SART1: variants seen among roughly 807,000 people sequenced by gnomAD.
SART1 encodes spliceosome associated factor 1, recruiter of U4/U6.U5 tri-snRNP.
SART1 carries 28 observed loss-of-function variants against 105.0 expected under a neutral mutation model. The observed-to-expected ratio is 0.27, with a 90% CI of 0.20 to 0.37. The LOEUF (loss-of-function observed/expected upper bound fraction) is 0.37, where lower values mean the gene tolerates loss of function less well. Ranked by LOEUF, SART1 falls within the 10% of genes least tolerant of loss-of-function variation. The pLI is 1.00. For missense variants in SART1, 894 were observed against 1,106.5 expected, an observed-to-expected ratio of 0.81 and a Z score of 2.72; for synonymous variants, 472 against 462.9, an observed-to-expected ratio of 1.02 and a Z score of -0.25.
rs138334211 is a variant in SART1 at position 65,979,274 on chromosome 11, C to T, written c.*244C>T. On this transcript the variant is annotated 3_prime_UTR_variant, in exon 20 of 20. Coordinates refer to ENST00000312397, the MANE Select transcript of SART1 (RefSeq NM_005146.5). Reference sequence around the variant, plus strand: ...TCTCCCCTGGCTGTCGGTCACACCTCTGCAGGGCCGGCTCTCTGATAGAAA... The same window carrying T: ...TCTCCCCTGGCTGTCGGTCACACCTTTGCAGGGCCGGCTCTCTGATAGAAA... The T allele has an allele frequency of 2.5e-3, 1,490 of 601,938 alleles. 16 individuals carry two copies. The highest frequency in any genetic ancestry group is 0.024 in the African/African-American group (1,313 of 54,010). The allele number at this position is 601,938 out of a possible 1,614,324, so 37.3% of individuals were successfully genotyped here.
intron 12 of SART1, among the ~76,000 whole-genome samples, chr11:65,973,381 C>A (rs1340224109): frequency 6.6e-6 from 1 of 151,974 alleles, no homozygotes; most frequent in Non-Finnish European, 1.5e-5. Context: ...ACAGGCAGTT[C>A]ACAGAAGAGA....
rs1026493364 is a variant in SART1, at chr11:65,979,658, G to C, written c.*628G>C. 1.3e-5 allele frequency: 2 copies of C among 152,332 alleles called. No individual in the cohort carries two copies. Among genetic ancestry groups the C allele is most frequent in the Admixed American group, 1.3e-4 (2 of 15,272 alleles). The allele number at this position is 152,332 out of a possible 1,614,324, so 9.4% of individuals were successfully genotyped here. On this transcript the variant is annotated 3_prime_UTR_variant, in exon 20 of 20. Coordinates refer to ENST00000312397, the MANE Select transcript of SART1 (RefSeq NM_005146.5). ...ATAGAGTGTGACTGAGCTGCTGGGG[G>C]ACATGTGAGCCTCAAATCCATAGAA...
rs201336410 is a variant in SART1 at position 65,967,348 on chromosome 11, C to T, written c.1278C>T (p.Leu426=). The change falls in exon 10 of 20, where the codon CTC becomes CTT. Residue 426 remains leucine, a synonymous_variant. Transcript: ENST00000312397. ...VVVRADDLLP[L]GDQTQDGDFG... is the part of the protein sequence containing the mutation. ...TGCGGGCAGATGACTTGCTGCCTCT[C>T]GGGGACCAGACTCAGGATGGGGACT... 1.9e-5 allele frequency: 30 copies of T among 1,614,104 alleles called. No individual in the cohort carries two copies. The highest frequency in any genetic ancestry group is 8.9e-5 in the East Asian group (4 of 44,872).
Position 65,979,079 on chromosome 11 carries a change from C to T in SART1, c.*49C>T. On this transcript the variant is annotated 3_prime_UTR_variant, in exon 20 of 20. Coordinates refer to ENST00000312397, the MANE Select transcript of SART1 (RefSeq NM_005146.5). The stretch of plus-strand genomic sequence containing the variant: ...GCCTCAACCTTCATATTAAATAAAG[C>T]TCCCTCCTTATTTTTTCCTCCCTGG... The T allele has an allele frequency of 1.2e-6, 2 of 1,611,606 alleles. No individual in the cohort carries two copies. The highest frequency in any genetic ancestry group is 1.7e-6 in the Non-Finnish European group (2 of 1,177,868).
At chr11:65,977,921 CGGAGGCCCGGCCTGCCACAG>C (rs773868561) in intron 17 of SART1, 22 bp downstream of exon 17, 4 of 1,577,016 alleles carry the variant, frequency 2.5e-6, no homozygotes, top group Admixed American at 3.8e-5. Context: ...CTTTTGCAGG[CGGAGGCCCGGCCTGCCACAG>C]GGAGGCCAAG....
chr11:65,964,992 C>G (rs1855217796), intron 3 of SART1, 100 bp from the exon 4 acceptor site: 2 of 1,445,136 alleles, frequency 1.4e-6, no homozygotes, highest in Admixed American at 5.0e-5. Context: ...GTCCTGACCC[C>G]TTCTGGCCCC....
At chr11:65,966,266 G>A (rs752014238) in intron 8 of SART1, 48 bp downstream of exon 8, 19 of 1,613,572 alleles carry the variant, frequency 1.2e-5, no homozygotes, top group East Asian at 2.2e-5. Flanking sequence ...GGAGAATGTC[G>A]GGAATGGGGG....
Position 65,961,971 on chromosome 11 carries a change from G to A in SART1, c.191G>A (p.Gly64Glu), listed in dbSNP as rs1223835609. The change falls in exon 1 of 20, where the codon GGG (glycine) becomes GAG (glutamate). Residue 64 changes from glycine (G) to glutamate (E), a missense_variant. Physicochemically the swap from Gly to Glu is moderately conservative, Grantham distance 98. Transcript: ENST00000312397. ...KRSRERGGER[G>E]SGRRGAEAEA... ...AGCCGGGAACGTGGGGGCGAGCGCG[G>A]GAGCGGGCGGCGCGGGGCCGAAGCT... 3.9e-5 allele frequency: 59 copies of A among 1,523,156 alleles called. No homozygotes were observed. The highest frequency in any genetic ancestry group is 5.1e-5 in the Non-Finnish European group (58 of 1,138,336). The allele number at this position is 1,523,156 out of a possible 1,614,324, so 94.4% of individuals were successfully genotyped here. A position where few individuals can be genotyped will look rare whatever the true frequency, so the allele number is the denominator to read the frequency against.
chr11:65,964,188 C>A, intron 2 of SART1, 57 bp downstream of exon 2: 1 of 1,445,800 alleles, frequency 6.9e-7, no homozygotes, highest in Non-Finnish European at 9.7e-7. Context: ...GGCTCTGGGG[C>A]CAGCACGGGG....
chr11:65,978,027 G>C lies in SART1; in HGVS notation c.2172+128G>C. The C allele has an allele frequency of 9.6e-7, 1 of 1,045,474 alleles. No individual in the cohort carries two copies. The highest frequency in any genetic ancestry group is 1.4e-6 in the Non-Finnish European group (1 of 727,298). The allele number at this position is 1,045,474 out of a possible 1,614,324, so 64.8% of individuals were successfully genotyped here. A position where few individuals can be genotyped will look rare whatever the true frequency, so the allele number is the denominator to read the frequency against. On this transcript the variant is annotated intron_variant, in intron 17 of 19. Transcript: ENST00000312397. This position sits in a 1 kb window ranked among gnomAD's most constrained non-coding sequence, Gnocchi z 6.8. ...CCACCAGCCTCTGGCTGGGGGCCTG[G>C]TGAATGCCACGGATGGGGAGGGGGC...
Position 65,965,364 on chromosome 11 carries a change from G to A in SART1, c.577G>A (p.Asp193Asn), listed in dbSNP as rs775296644. 1 of 1,590,296 alleles carries A rather than the reference G, an allele frequency of 6.3e-7. No homozygotes were observed. Among genetic ancestry groups the A allele is most frequent in the Admixed American group, 1.8e-5 (1 of 56,306 alleles). The change falls in exon 5 of 20, where the codon GAT becomes AAT. Residue 193 changes from aspartate (D) to asparagine (N), a missense_variant. This residue lies in a region of SART1 where 712 missense variants were observed against 778.2 expected (regional missense o/e 0.91). Transcript: ENST00000312397. Reference protein sequence around the residue: ...KLGKIKTLGEDDPWLDDTAAW... With the variant: ...KLGKIKTLGENDPWLDDTAAW... ...CAGGAAGATAAAGACCCTAGGAGAG[G>A]ATGACCCCTGGCTGGACGACACTGC...
At position 65,979,060 on chromosome 11, in the gene SART1, AC is replaced by A. The variant is rs1210833280; in HGVS notation, c.*32del. 3 of 1,613,874 alleles carry A rather than the reference AC, an allele frequency of 1.9e-6. No homozygotes were observed. The highest frequency in any genetic ancestry group is 2.5e-6 in the Non-Finnish European group (3 of 1,179,904). The stretch of plus-strand genomic sequence containing the variant: ...GCCCTCCCGCCCCGGCCCTGCCTCA[AC>A]CTTCATATTAAATAAAGCTCCCTCC... On this transcript the variant is annotated 3_prime_UTR_variant, in exon 20 of 20. Transcript: ENST00000312397.
In SART1 at chr11:65,966,495, C is replaced by T. The variant is rs1291776302; in HGVS notation, c.1127C>T (p.Ala376Val). The T allele has an allele frequency of 1.2e-6, 2 of 1,603,406 alleles. No homozygotes were observed. The highest frequency in any genetic ancestry group is 1.1e-5 in the South Asian group (1 of 89,342). The change falls in exon 9 of 20, where the codon GCT becomes GTT. Residue 376 changes from alanine to valine, a missense_variant. Physicochemically the swap from Ala to Val is moderately conservative, Grantham distance 64 (BLOSUM62 0). Coordinates refer to ENST00000312397, the MANE Select transcript of SART1 (RefSeq NM_005146.5). ...EEIRAKLRLQAQSLSTVGPRL... is the reference protein window; with the variant it reads ...EEIRAKLRLQVQSLSTVGPRL... Reference sequence around the variant, plus strand: ...ATCCGGGCCAAGCTGCGGCTGCAGGCTCAGTCCCTGAGCACAGTGGGGCCC... The same window carrying T: ...ATCCGGGCCAAGCTGCGGCTGCAGGTTCAGTCCCTGAGCACAGTGGGGCCC...
Position 65,966,402 on chromosome 11 carries a change from G to C in SART1, c.1034G>C (p.Arg345Pro), listed in dbSNP as rs774052928. Residue 345 changes from arginine (R) to proline (P), a missense_variant, in exon 9 of 20, where the codon CGG (arginine) becomes CCG (proline). Physicochemically the swap from Arg to Pro is moderately radical, Grantham distance 103 (BLOSUM62 -2). This residue lies in a region of SART1 where 712 missense variants were observed against 778.2 expected (regional missense o/e 0.91). Coordinates refer to ENST00000312397, the MANE Select transcript of SART1 (RefSeq NM_005146.5). ...TATGACGAAGAGCTTGAAGGGGAGC[G>C]GCCACATTCCTTCCGCTTGGAGCAG... ...SKYDEELEGE[R>P]PHSFRLEQGG... 1 of 1,613,802 alleles carries C rather than the reference G, an allele frequency of 6.2e-7. No homozygotes were observed. Among genetic ancestry groups the C allele is most frequent in the African/African-American group, 1.3e-5 (1 of 74,932 alleles).
chr11:65,974,077 C>G (rs540959281), intron 12 of SART1, among the ~76,000 whole-genome samples: 3 of 151,572 alleles, frequency 2.0e-5, no homozygotes, highest in Non-Finnish European at 4.4e-5. Flanking sequence ...AAAACTATAT[C>G]AGCCGCTGGG....
At position 65,961,828 on chromosome 11, in the gene SART1, G is replaced by A. The variant is rs922799114; in HGVS notation, c.48G>A (p.Thr16=). ...GCGGAGAGAAGGAGGCGGCCGGGAC[G>A]ACGGCGGCGGCCGGCACCGGGGGTG... The part of the protein sequence containing the change: ...KHRGEKEAAG[T]TAAAGTGGAT... The change falls in exon 1 of 20, where the codon ACG becomes ACA. Residue 16 remains threonine, a synonymous_variant. Transcript: ENST00000312397. The A allele has an allele frequency of 6.4e-7, 1 of 1,566,920 alleles. No individual in the cohort carries two copies. The highest frequency in any genetic ancestry group is 1.9e-5 in the Admixed American group (1 of 52,294).
chr11:65,964,531 T>C lies in SART1; in HGVS notation c.388T>C (p.Leu130=). 3 of 1,613,294 alleles carry C rather than the reference T, an allele frequency of 1.9e-6. No homozygotes were observed. Among genetic ancestry groups the C allele is most frequent in the Non-Finnish European group, 2.5e-6 (3 of 1,179,786 alleles). ...TGTTGTCAGCAAACTCCGGGCAAAG[T>C]TGGGGCTGAAACCCTTGGAGGTTAA... ...IEETNKLRAK[L]GLKPLEVNAI... is the part of the protein sequence containing the mutation. The change falls in exon 3 of 20, where the codon TTG becomes CTG. Residue 130 remains leucine, a synonymous_variant. Coordinates refer to ENST00000312397, the MANE Select transcript of SART1 (RefSeq NM_005146.5).
chr11:65,974,724 T>TA (rs974953324), intron 12 of SART1, among the ~76,000 whole-genome samples: 67 of 152,026 alleles, frequency 4.4e-4, no homozygotes, highest in African/African-American at 1.6e-3. Context: ...GTTTTATGTT[T>TA]ACAATGTTCA....
intron 12 of SART1, among the ~76,000 whole-genome samples, chr11:65,970,213 G>A (rs1294905029): frequency 6.6e-6 from 1 of 151,990 alleles, no homozygotes; most frequent in Non-Finnish European, 1.5e-5. Context: ...CATCCTTAAC[G>A]ACTTCAGTAG....
Sources: allele counts gnomAD v4.1 joint callset (sites outside exome capture counted in the v4.1 genomes callset), GRCh38; gene constraint gnomAD v4.1.1; regional missense constraint gnomAD v4.1.1; non-coding constraint Gnocchi (gnomAD v3.1); transcripts MANE v1.5; gene names NCBI Gene and HGNC (gene_info 2026-07-23, HGNC 2026-07-21).